PHTF2: variants seen among roughly 807,000 people sequenced by gnomAD.
PHTF2 encodes the protein protein PHTF2.
Under a neutral mutation model 101.2 loss-of-function variants are expected in PHTF2, and 60 were observed. That is an observed-to-expected ratio of 0.59 (90% CI 0.48 to 0.73). PHTF2 has a LOEUF of 0.73. Ranked by LOEUF, PHTF2 falls within the 30% of genes least tolerant of loss-of-function variation. PHTF2 has a pLI of 0.00. For synonymous variants in PHTF2, 311 were observed against 307.3 expected (o/e 1.01, Z -0.13); for missense variants, 747 against 908.7 (o/e 0.82, Z 2.29).
chr7:77,927,019 G>T (rs547865690), intron 11 of PHTF2, among the ~76,000 whole-genome samples: 1 of 151,378 alleles, frequency 6.6e-6, no homozygotes, highest in Non-Finnish European at 1.5e-5. Context: ...TTAGCCCGGT[G>T]TGGTGGCGGG....
chr7:77,799,135 G>A (rs1792313350), intron 1 of PHTF2, among the ~76,000 whole-genome samples, 164 bp downstream of exon 1: 1 of 152,208 alleles, frequency 6.6e-6, no homozygotes, highest in Admixed American at 6.5e-5. Flanking sequence ...GACTTTCCCG[G>A]CAGTCTCCCG....
chr7:77,818,068 C>T (rs1168687527), intron 1 of PHTF2, among the ~76,000 whole-genome samples: 1 of 150,234 alleles, frequency 6.7e-6, no homozygotes, highest in Admixed American at 6.7e-5. Flanking sequence ...CGAGATTGCA[C>T]TACTGTACTC....
chr7:77,917,279 G>A (rs1803015155), intron 9 of PHTF2, among the ~76,000 whole-genome samples: 1 of 152,010 alleles, frequency 6.6e-6, no homozygotes, highest in Admixed American at 6.6e-5. Context: ...AAATGTTTTG[G>A]GTTCAACTTG....
At chr7:77,867,700 A>T (rs748357426) in intron 3 of PHTF2, among the ~76,000 whole-genome samples, 1 of 152,220 alleles carries the variant, frequency 6.6e-6, no homozygotes, top group East Asian at 1.9e-4. Flanking sequence ...CTGGTGTATC[A>T]TAGGAAAAAA....
At chr7:77,825,934 A>G (rs1159442780) in intron 1 of PHTF2, among the ~76,000 whole-genome samples, 1 of 152,240 alleles carries the variant, frequency 6.6e-6, no homozygotes, top group Non-Finnish European at 1.5e-5. Context: ...ACTTCAACAA[A>G]TGGAACAGAA....
chr7:77,930,254 G>A (rs895777645), intron 12 of PHTF2, among the ~76,000 whole-genome samples: 7 of 151,952 alleles, frequency 4.6e-5, no homozygotes, highest in African/African-American at 1.4e-4. Context: ...CTGCCCAGTC[G>A]GACTAGCCAC....
intron 9 of PHTF2, among the ~76,000 whole-genome samples, chr7:77,913,520 G>C (rs1287633097): frequency 1.3e-5 from 2 of 151,760 alleles, no homozygotes; most frequent in Non-Finnish European, 2.9e-5. Flanking sequence ...CATCTTGATT[G>C]TGTGTCGTTC....
At chr7:77,860,595 G>A (rs1340227862) in intron 3 of PHTF2, among the ~76,000 whole-genome samples, 1 of 152,176 alleles carries the variant, frequency 6.6e-6, no homozygotes, top group Non-Finnish European at 1.5e-5. Flanking sequence ...CAAGTACAGT[G>A]CTTGGTGTAT....
intron 9 of PHTF2, among the ~76,000 whole-genome samples, chr7:77,919,032 A>C (rs1312440256): frequency 6.6e-6 from 1 of 152,204 alleles, no homozygotes; most frequent in Non-Finnish European, 1.5e-5. Flanking sequence ...AAATCCTAAC[A>C]GGCAGTTTCC....
intron 3 of PHTF2, among the ~76,000 whole-genome samples, chr7:77,883,297 T>C (rs1377156773): frequency 2.6e-5 from 4 of 152,164 alleles, no homozygotes; most frequent in African/African-American, 9.6e-5. Context: ...ATTCTAATGA[T>C]TTGAAGTGGC....
At chr7:77,871,004 T>A (rs1798469669) in intron 3 of PHTF2, among the ~76,000 whole-genome samples, 2 of 152,346 alleles carry the variant, frequency 1.3e-5, no homozygotes, top group Middle Eastern at 3.4e-3. Flanking sequence ...GAAACACTCA[T>A]GACAGTTACA....
chr7:77,891,583 T>G (rs1218591121), intron 3 of PHTF2, among the ~76,000 whole-genome samples: 1 of 151,572 alleles, frequency 6.6e-6, no homozygotes, highest in Non-Finnish European at 1.5e-5. Flanking sequence ...GGTTTTTTTT[T>G]GTTGTTGTTG....
chr7:77,932,621 A>AGAGAGAGAGTGTGT (rs759880633), intron 12 of PHTF2, among the ~76,000 whole-genome samples: 4 of 118,476 alleles, frequency 3.4e-5, no homozygotes, highest in African/African-American at 1.4e-4. Flanking sequence ...AGAGAGAGAG[A>AGAGAGAGAGTGTGT]GTGTGTGTGT....
Position 77,909,378 on chromosome 7 carries a change from G to T in PHTF2, c.611+420G>T, listed in dbSNP as rs79684798. The T allele has an allele frequency of 5.8e-3, 821 of 142,406 alleles. 7 individuals carry two copies. The highest frequency in any genetic ancestry group is 0.019 in the African/African-American group (738 of 38,246). The allele number at this position is 142,406 out of a possible 1,614,324, so 8.8% of individuals were successfully genotyped here. ...TTGGTTTTGTTTTGTTTTTTTTTTT[G>T]TATTTTTTTTGAGACAGGGTCTCAC... On this transcript the variant is annotated intron_variant, in intron 8 of 19. Coordinates refer to ENST00000416283, the Ensembl canonical transcript of PHTF2.
chr7:77,832,348 G>C lies in PHTF2; in HGVS notation c.-35-7873G>C, dbSNP rs1795136270. Among the ~76,000 whole-genome samples the C allele has an allele frequency of 2.0e-5, 3 of 152,266 alleles. 1 individual carries two copies. The highest frequency in any genetic ancestry group is 7.2e-5 in the African/African-American group (3 of 41,544). ...TGATCACCTATCTCAGCTTTCAAAA[G>C]AGTTTGAGCATTACTTCCCAACCAC... On this transcript the variant is annotated intron_variant, in intron 1 of 19. Coordinates refer to ENST00000416283, the Ensembl canonical transcript of PHTF2.
intron 1 of PHTF2, among the ~76,000 whole-genome samples, chr7:77,812,168 G>A (rs1793491305): frequency 1.3e-5 from 2 of 152,202 alleles, no homozygotes; most frequent in Admixed American, 1.3e-4. Context: ...TGAAGGAGCT[G>A]AGAACATTTA....
At chr7:77,911,161 T>C (rs1247999867) in intron 9 of PHTF2, among the ~76,000 whole-genome samples, 1 of 151,836 alleles carries the variant, frequency 6.6e-6, no homozygotes, top group Non-Finnish European at 1.5e-5. Context: ...CAATGTACCA[T>C]GAGCATTTGT....
At chr7:77,954,612 G>GTATGTATATA (rs1554397926) in intron 19 of PHTF2, among the ~76,000 whole-genome samples, 4 of 90,194 alleles carry the variant, frequency 4.4e-5, no homozygotes, top group Non-Finnish European at 4.1e-5. Context: ...CAAGTACTGT[G>GTATGTATATA]TATATATATA....
At chr7:77,842,246 C>G (rs1795944162) in intron 2 of PHTF2, among the ~76,000 whole-genome samples, 1 of 152,112 alleles carries the variant, frequency 6.6e-6, no homozygotes, top group South Asian at 2.1e-4. Flanking sequence ...TCTGTTAACA[C>G]AGTCTGGAGT....
Sources: gnomAD v4.1 joint callset for allele counts (sites outside exome capture counted in the v4.1 genomes callset) on GRCh38, gnomAD v4.1.1 for gene constraint, MANE v1.5 for transcripts, NCBI Gene and HGNC (gene_info 2026-07-23, HGNC 2026-07-21) for gene names.